The following NKAIN3 variants were observed in gnomAD, a reference collection of about 807,000 sequenced individuals.
NKAIN3 encodes sodium/potassium-transporting ATPase subunit beta-1-interacting protein 3.
A neutral mutation model predicts 30.2 loss-of-function variants in NKAIN3; 25 were observed. The observed-to-expected ratio is 0.83, with a 90% CI of 0.60 to 1.16. NKAIN3 has a LOEUF of 1.16. Among genes scored for constraint, NKAIN3 ranks in the 50% most tolerant of loss-of-function variants. NKAIN3 has a pLI of 0.00. For synonymous variants in NKAIN3, 91 were observed against 89.6 expected, an observed-to-expected ratio of 1.02 and a Z score of -0.09; for missense variants, 225 against 254.1, an observed-to-expected ratio of 0.89 and a Z score of 0.78.
chr8:62,976,194 T>C lies in NKAIN3; in HGVS notation c.*10787T>C, dbSNP rs910425181. On this transcript the variant is annotated 3_prime_UTR_variant, in exon 7 of 7. Coordinates refer to ENST00000623646, the MANE Select transcript of NKAIN3 (RefSeq NM_001304533.3). ...GGGTGGAGAGTTCTGTAGATATCTA[T>C]TAGGTCTGCTTGGTCAAGAGGTGAG... Among the ~76,000 whole-genome samples the C allele has an allele frequency of 1.3e-5, 2 of 152,114 alleles. No homozygotes were observed. The highest frequency in any genetic ancestry group is 2.9e-5 in the Non-Finnish European group (2 of 68,016).
intron 1 of NKAIN3, among the ~76,000 whole-genome samples, chr8:62,372,894 A>G (rs1816953553): frequency 1.3e-5 from 2 of 152,214 alleles, no homozygotes; most frequent in Middle Eastern, 3.4e-3. Context: ...ATTTTTAAAA[A>G]TTATATTTTC....
intron 1 of NKAIN3, among the ~76,000 whole-genome samples, chr8:62,280,874 T>C (rs1813154893): frequency 6.6e-6 from 1 of 151,988 alleles, no homozygotes; most frequent in African/African-American, 2.4e-5. Context: ...GGTATCAGGA[T>C]GATGCTGGCC....
At chr8:62,525,032 T>A (rs566827554) in intron 1 of NKAIN3, among the ~76,000 whole-genome samples, 3 of 151,828 alleles carry the variant, frequency 2.0e-5, no homozygotes, top group African/African-American at 7.3e-5. Flanking sequence ...GTGGTAGGGG[T>A]TGGTATGGAG....
At chr8:62,638,950 C>T (rs1812220550) in intron 3 of NKAIN3, among the ~76,000 whole-genome samples, 1 of 152,136 alleles carries the variant, frequency 6.6e-6, no homozygotes, top group African/African-American at 2.4e-5. Context: ...AATTCAGACT[C>T]TTTTACACCT....
At chr8:62,798,165 C>T (rs912980487) in intron 4 of NKAIN3, among the ~76,000 whole-genome samples, 1 of 152,004 alleles carries the variant, frequency 6.6e-6, no homozygotes, top group South Asian at 2.1e-4. Flanking sequence ...AGAAAAGAGA[C>T]CTTATCAGTT....
chr8:62,681,691 G>T (rs530363912), intron 3 of NKAIN3, among the ~76,000 whole-genome samples: 4 of 152,094 alleles, frequency 2.6e-5, no homozygotes, highest in South Asian at 4.1e-4. Context: ...ATCACTAAAG[G>T]GAAAATCATT....
At chr8:62,786,796 C>T (rs1817534567) in intron 4 of NKAIN3, among the ~76,000 whole-genome samples, 1 of 152,142 alleles carries the variant, frequency 6.6e-6, no homozygotes. Context: ...GTAGGAAACC[C>T]TGATGATTTG....
At chr8:62,884,607 G>A (rs1334350721) in intron 4 of NKAIN3, among the ~76,000 whole-genome samples, 1 of 152,172 alleles carries the variant, frequency 6.6e-6, no homozygotes, top group Non-Finnish European at 1.5e-5. Context: ...ATTCACCAGT[G>A]AACCCATTTG....
chr8:62,586,559 G>A (rs1012726567), intron 2 of NKAIN3, among the ~76,000 whole-genome samples: 3 of 152,000 alleles, frequency 2.0e-5, no homozygotes, highest in Non-Finnish European at 4.4e-5. Flanking sequence ...TATAAGTCTA[G>A]CATATTGTAT....
intron 6 of NKAIN3, among the ~76,000 whole-genome samples, chr8:62,954,953 T>A (rs1400881583): frequency 6.6e-6 from 1 of 152,172 alleles, no homozygotes; most frequent in African/African-American, 2.4e-5. Flanking sequence ...CAGCTCAGTG[T>A]TCTGTAATTT....
intron 1 of NKAIN3, among the ~76,000 whole-genome samples, chr8:62,466,670 C>A (rs1352476084): frequency 6.6e-6 from 1 of 152,174 alleles, no homozygotes; most frequent in Non-Finnish European, 1.5e-5. Context: ...GTCATCACAC[C>A]AAGTTGCTGA....
In NKAIN3 at chr8:62,968,007, T is replaced by C. The variant is rs576080018; in HGVS notation, c.*2600T>C. On this transcript the variant is annotated 3_prime_UTR_variant, in exon 7 of 7. Transcript: ENST00000623646. ...ATGTAGGCAACTATTTAATATGGTG[T>C]ATATGTTTTCATTTTTAATCTTTCT... Among the ~76,000 whole-genome samples the C allele has an allele frequency of 6.6e-5, 10 of 152,338 alleles. No homozygotes were observed. In the East Asian group the frequency reaches 9.6e-4, roughly 15 times the overall value.
chr8:62,426,792 G>A (rs190541845), intron 1 of NKAIN3, among the ~76,000 whole-genome samples: 31 of 151,972 alleles, frequency 2.0e-4, no homozygotes, highest in African/African-American at 6.3e-4. Context: ...CCCCCAGTTC[G>A]TTTGTTGAGT....
intron 1 of NKAIN3, among the ~76,000 whole-genome samples, chr8:62,260,881 A>T (rs895572880): frequency 1.1e-4 from 16 of 152,198 alleles, no homozygotes; most frequent in African/African-American, 3.9e-4. Context: ...GTTATTTTAC[A>T]TCTACACGGT....
intron 1 of NKAIN3, among the ~76,000 whole-genome samples, chr8:62,543,142 C>T (rs946524698): frequency 6.6e-6 from 1 of 152,232 alleles, no homozygotes; most frequent in Middle Eastern, 3.4e-3. Context: ...GGGGTGATCT[C>T]TTCAACAAAA....
At chr8:62,661,896 G>A (rs1028547897) in intron 3 of NKAIN3, among the ~76,000 whole-genome samples, 7 of 152,080 alleles carry the variant, frequency 4.6e-5, no homozygotes, top group Admixed American at 1.3e-4. Context: ...ACCTTCTTTG[G>A]CTGAATGGAG....
At position 62,976,811 on chromosome 8, in the gene NKAIN3, T is replaced by C. The variant is rs1039400247; in HGVS notation, c.*11404T>C. ...TTTACATTTTGGAATGTTTTTGCAG[T>C]GGCTGGTACTGGTTGTTCCTTTCCA... is the stretch of plus-strand genomic sequence containing the variant. On this transcript the variant is annotated 3_prime_UTR_variant, in exon 7 of 7. Coordinates refer to ENST00000623646, the MANE Select transcript of NKAIN3 (RefSeq NM_001304533.3). Among the ~76,000 whole-genome samples the C allele has an allele frequency of 1.3e-5, 2 of 152,244 alleles. No individual in the cohort carries two copies. The highest frequency in any genetic ancestry group is 6.5e-5 in the Admixed American group (1 of 15,280).
chr8:62,764,971 G>A (rs1253701637), intron 4 of NKAIN3, among the ~76,000 whole-genome samples: 1 of 152,254 alleles, frequency 6.6e-6, no homozygotes, highest in East Asian at 1.9e-4. Context: ...TTCTCTAGGC[G>A]TGGTGGCTCA....
chr8:62,454,392 G>T (rs1198469711), intron 1 of NKAIN3, among the ~76,000 whole-genome samples: 2 of 151,096 alleles, frequency 1.3e-5, no homozygotes, highest in African/African-American at 4.9e-5. Context: ...AGTTGTCCTG[G>T]GCCACATGCA....
Sources: allele counts gnomAD v4.1 joint callset (sites outside exome capture counted in the v4.1 genomes callset), GRCh38; gene constraint gnomAD v4.1.1; transcripts MANE v1.5; gene names NCBI Gene and HGNC (gene_info 2026-07-23, HGNC 2026-07-21).